ATP11C: variants seen among roughly 807,000 people sequenced by gnomAD.
The protein encoded by ATP11C is phospholipid-transporting ATPase IG.
ATP11C carries 36 observed loss-of-function variants against 97.4 expected under a neutral mutation model. The observed-to-expected ratio is 0.37, with a 90% CI of 0.28 to 0.49. The LOEUF (loss-of-function observed/expected upper bound fraction) is 0.49, where lower values mean the gene tolerates loss of function less well. ATP11C is among the 20% of genes least tolerant of loss of function. The pLI is 0.98. For missense variants in ATP11C, 730 were observed against 824.6 expected (o/e 0.89, Z 1.40); for synonymous variants, 275 against 290.9 (o/e 0.95, Z 0.56).
intron 2 of ATP11C, among the ~76,000 whole-genome samples, chrX:139,822,228 A>T (rs2083425618): frequency 8.9e-6 from 1 of 112,327 alleles, no homozygotes; most frequent in African/African-American, 3.2e-5. Context: ...ACAGAGTCTC[A>T]CACTGTCACC....
At chrX:139,853,586 C>T (rs920425908) in intron 1 of ATP11C, among the ~76,000 whole-genome samples, 1 of 109,942 alleles carries the variant, frequency 9.1e-6, no homozygotes, top group African/African-American at 3.3e-5. Flanking sequence ...AGGTCTTCTC[C>T]GTGACCCTAT....
chrX:139,757,254 G>A (rs1008997624), intron 23 of ATP11C, among the ~76,000 whole-genome samples: 1 of 111,450 alleles, frequency 9.0e-6, no homozygotes, highest in African/African-American at 3.3e-5. Context: ...CCCACTAGAA[G>A]CAATGCCAAA....
At position 139,757,395 on chromosome X, in the gene ATP11C, C is replaced by T. The variant is rs186423865; in HGVS notation, c.2700+413G>A. ...AGGCAAAACATCTATAGCTGCTTTA[C>T]GTAATCCAAAGCTTTCTCTAGGAAT... On this transcript the variant is annotated intron_variant, in intron 23 of 29. Coordinates refer to ENST00000682941, the MANE Select transcript of ATP11C (RefSeq NM_001353812.2). 1.5e-3 allele frequency among the ~76,000 whole-genome samples: 169 copies of T among 111,705 alleles called. 1 individual carries two copies. The highest frequency in any genetic ancestry group is 5.0e-3 in the African/African-American group (154 of 30,829).
chrX:139,771,178 T>G (rs1418266050), intron 19 of ATP11C, among the ~76,000 whole-genome samples: 2 of 111,616 alleles, frequency 1.8e-5, no homozygotes, highest in East Asian at 5.7e-4. Context: ...TCCTGTGCTG[T>G]TCTCGTGAGA....
intron 1 of ATP11C, among the ~76,000 whole-genome samples, chrX:139,870,924 C>T (rs1397030521): frequency 3.7e-5 from 4 of 108,246 alleles, no homozygotes; most frequent in African/African-American, 1.0e-4. Context: ...GGCGCGGTGG[C>T]GGGCGCCTGT....
chrX:139,743,153 A>C (rs936098880), intron 26 of ATP11C, among the ~76,000 whole-genome samples: 1 of 109,328 alleles, frequency 9.1e-6, no homozygotes, highest in African/African-American at 3.3e-5. Flanking sequence ...TAATTTTTAG[A>C]AGATTCAAGT....
intron 22 of ATP11C, among the ~76,000 whole-genome samples, chrX:139,758,550 T>C (rs776277163): frequency 9.0e-6 from 1 of 111,685 alleles, no homozygotes; most frequent in South Asian, 3.8e-4. Flanking sequence ...ACTTATTATT[T>C]AATTTGAGAA....
chrX:139,901,725 C>G (rs2084902439), intron 1 of ATP11C, among the ~76,000 whole-genome samples: 1 of 111,694 alleles, frequency 9.0e-6, no homozygotes, highest in South Asian at 3.8e-4. Flanking sequence ...CACTGTACAG[C>G]CCACAAAGTC....
intron 1 of ATP11C, among the ~76,000 whole-genome samples, chrX:139,861,397 G>C (rs1009593448): frequency 8.9e-6 from 1 of 111,873 alleles, no homozygotes; most frequent in Middle Eastern, 4.2e-3. Flanking sequence ...TCAGTTTAGT[G>C]AACATAGTGA....
chrX:139,917,184 T>A (rs2085167519), intron 1 of ATP11C, among the ~76,000 whole-genome samples: 2 of 111,832 alleles, frequency 1.8e-5, no homozygotes, highest in South Asian at 7.4e-4. Context: ...GATCTACATG[T>A]AAGACTTATA....
chrX:139,909,063 C>T (rs1308290282), intron 1 of ATP11C, among the ~76,000 whole-genome samples: 2 of 112,121 alleles, frequency 1.8e-5, no homozygotes, highest in Non-Finnish European at 3.8e-5. Flanking sequence ...AAACTGGGCA[C>T]ATGGAACAAT....
intron 1 of ATP11C, among the ~76,000 whole-genome samples, chrX:139,847,487 GC>G (rs1377977807): frequency 9.1e-6 from 1 of 110,111 alleles, no homozygotes; most frequent in Non-Finnish European, 1.9e-5. Context: ...CTCTGCTTGA[GC>G]CCAGGAGTTC....
At chrX:139,915,994 C>T (rs911050508) in intron 1 of ATP11C, among the ~76,000 whole-genome samples, 1 of 111,174 alleles carries the variant, frequency 9.0e-6, no homozygotes, top group Non-Finnish European at 1.9e-5. Context: ...TTTGGGAGGC[C>T]GAGGCAGACA....
At chrX:139,802,659 A>C (rs374780167) in intron 6 of ATP11C, among the ~76,000 whole-genome samples, 2 of 111,855 alleles carry the variant, frequency 1.8e-5, no homozygotes, top group East Asian at 5.6e-4. Flanking sequence ...AAGTTAATAC[A>C]TTTATTTTTT....
At chrX:139,936,777 A>T (rs1050398699), upstream of ATP11C, among the ~76,000 whole-genome samples, 4 of 111,311 alleles carry the variant, frequency 3.6e-5, no homozygotes, top group African/African-American at 1.3e-4. Context: ...CCACTAGAGC[A>T]TAGGATGTAG....
upstream of ATP11C, among the ~76,000 whole-genome samples, chrX:139,934,796 G>A (rs958171576): frequency 3.6e-5 from 4 of 110,787 alleles, no homozygotes; most frequent in East Asian, 8.5e-4. Flanking sequence ...TGATCCACCC[G>A]CCTCGGCCTC....
intron 19 of ATP11C, 28 bp downstream of exon 19, chrX:139,774,662 A>T (rs949743769): frequency 8.6e-7 from 1 of 1,166,112 alleles, no homozygotes; most frequent in Non-Finnish European, 1.2e-6. Flanking sequence ...CCAATGTCTA[A>T]ATATAAGAAA....
intron 1 of ATP11C, among the ~76,000 whole-genome samples, chrX:139,828,471 T>C (rs1472036080): frequency 1.8e-5 from 2 of 111,223 alleles, no homozygotes; most frequent in African/African-American, 6.5e-5. Context: ...ATGTATAGTT[T>C]ATCTGGCTTC....
intron 3 of ATP11C, among the ~76,000 whole-genome samples, chrX:139,818,682 A>G (rs763068375): frequency 8.9e-6 from 1 of 112,370 alleles, no homozygotes; most frequent in Non-Finnish European, 1.9e-5. Flanking sequence ...AGGGCATTGG[A>G]GCAACTTCAA....
Sources: allele counts gnomAD v4.1 joint callset (sites outside exome capture counted in the v4.1 genomes callset), GRCh38; gene constraint gnomAD v4.1.1; transcripts MANE v1.5; gene names NCBI Gene and HGNC (gene_info 2026-07-23, HGNC 2026-07-21).